The following STIM2 variants were observed in gnomAD, a reference collection of about 807,000 sequenced individuals.
STIM2 encodes the protein stromal interaction molecule 2.
A neutral mutation model predicts 85.8 loss-of-function variants in STIM2; 31 were observed. The ratio of observed to expected loss-of-function variants is 0.36; its 90% CI spans 0.27 to 0.49. STIM2 has a LOEUF of 0.49. STIM2 is among the 20% of genes least tolerant of loss of function. The pLI, the probability that STIM2 is intolerant of heterozygous loss-of-function variation, is 0.98. For synonymous variants in STIM2, 356 were observed against 331.1 expected, an observed-to-expected ratio of 1.08 and a Z score of -0.82; for missense variants, 841 against 927.6, an observed-to-expected ratio of 0.91 and a Z score of 1.21.
intron 9 of STIM2, 81 bp downstream of exon 9, chr4:27,008,609 A>G (rs1416663174): frequency 8.8e-7 from 1 of 1,135,734 alleles, no homozygotes; most frequent in Non-Finnish European, 1.3e-6. Flanking sequence ...TATATTTATC[A>G]TTTATATAAT....
intron 7 of STIM2, among the ~76,000 whole-genome samples, 186 bp from the exon 8 acceptor site, chr4:27,007,347 C>T (rs898289683): frequency 3.3e-5 from 5 of 150,178 alleles, no homozygotes; most frequent in African/African-American, 9.8e-5. Context: ...CGGAGTCTCG[C>T]TCTGTTGTCA....
intron 10 of STIM2, among the ~76,000 whole-genome samples, chr4:27,010,278 T>C (rs1426807209): frequency 6.6e-6 from 1 of 152,112 alleles, no homozygotes; most frequent in African/African-American, 2.4e-5. Flanking sequence ...ATCCTGTCTC[T>C]AGTAAAAATA....
chr4:26,957,756 C>G (rs1409112469), intron 3 of STIM2, 30 bp downstream of exon 3: 2 of 1,400,870 alleles, frequency 1.4e-6, no homozygotes, highest in Non-Finnish European at 2.0e-6. Context: ...CTGGCCCCCT[C>G]CCCTTCTGCA....
At chr4:27,010,746 G>A (rs1185859576) in intron 10 of STIM2, among the ~76,000 whole-genome samples, 1 of 152,034 alleles carries the variant, frequency 6.6e-6, no homozygotes, top group Non-Finnish European at 1.5e-5. Context: ...CATGCCTGTA[G>A]TATGTTAAGA....
At chr4:26,933,914 C>T (rs75615470) in intron 2 of STIM2, among the ~76,000 whole-genome samples, 1 of 152,114 alleles carries the variant, frequency 6.6e-6, no homozygotes, top group African/African-American at 2.4e-5. Context: ...AAAAATACGG[C>T]TGGGTGCATT....
chr4:27,018,519 A>T (rs1377810300), intron 11 of STIM2, among the ~76,000 whole-genome samples: 1 of 151,724 alleles, frequency 6.6e-6, no homozygotes, highest in Non-Finnish European at 1.5e-5. Flanking sequence ...GATAATAATA[A>T]TCTCTCTATA....
intron 1 of STIM2, among the ~76,000 whole-genome samples, chr4:26,889,358 T>A (rs181938564): frequency 9.8e-5 from 15 of 152,290 alleles, no homozygotes; most frequent in Admixed American, 6.5e-4. Flanking sequence ...CCAGTGAATT[T>A]TATTAGTATG....
chr4:26,872,106 G>A lies in STIM2; in HGVS notation c.151+10737G>A, dbSNP rs569520154. ...ATTCTTTTTATCTATAGATACAGAGGTAGGATAGTTGTAGAAATGTGCTTT... is the reference window on the plus strand; with the variant it reads ...ATTCTTTTTATCTATAGATACAGAGATAGGATAGTTGTAGAAATGTGCTTT... On this transcript the variant is annotated intron_variant, in intron 1 of 11. Transcript: ENST00000467087. 1.6e-4 allele frequency among the ~76,000 whole-genome samples: 25 copies of A among 152,306 alleles called. 1 individual carries two copies. Among genetic ancestry groups the A allele is most frequent in the Admixed American group, 1.6e-3 (24 of 15,306 alleles).
intron 1 of STIM2, among the ~76,000 whole-genome samples, chr4:26,862,222 G>GA (rs1722240438): frequency 6.6e-6 from 1 of 151,612 alleles, no homozygotes; most frequent in South Asian, 2.1e-4. Context: ...GCCTTCCGGT[G>GA]TTATGTACAA....
rs372461981 is a variant in STIM2 at position 27,023,001 on chromosome 4, G to T, written c.*5G>T. 1.2e-6 allele frequency: 2 copies of T among 1,605,960 alleles called. No homozygotes were observed. Among genetic ancestry groups the T allele is most frequent in the Non-Finnish European group, 1.7e-6 (2 of 1,178,154 alleles). ...TTTAAGAAGAAATCTAAGTGAACTG[G>T]CTGACTTGATGGAATCATGTTCAAG... On this transcript the variant is annotated 3_prime_UTR_variant, in exon 12 of 12. Transcript: ENST00000467087.
chr4:26,890,713 A>G lies in STIM2; in HGVS notation c.152-28791A>G, dbSNP rs1024392818. Among the ~76,000 whole-genome samples, 37 of 150,828 alleles carry G rather than the reference A, an allele frequency of 2.5e-4. No homozygotes were observed. The East Asian group carries it at 7.1e-3, about 29-fold the overall frequency. ...GTGGCGGGCGCCTGTAGTCCCAGCT[A>G]CTTGGGAGGCTGAGGCAGGAGAATG... On this transcript the variant is annotated intron_variant, in intron 1 of 11. Coordinates refer to ENST00000467087, the MANE Select transcript of STIM2 (RefSeq NM_020860.4).
chr4:27,013,920 A>G (rs548583372), intron 10 of STIM2, among the ~76,000 whole-genome samples: 2 of 152,162 alleles, frequency 1.3e-5, no homozygotes, highest in East Asian at 3.9e-4. Context: ...AAACTATAGT[A>G]TTAATTTAAC....
intron 1 of STIM2, among the ~76,000 whole-genome samples, chr4:26,910,528 A>C (rs551799239): frequency 2.0e-5 from 3 of 151,946 alleles, no homozygotes; most frequent in African/African-American, 7.2e-5. Context: ...TCTCAAAAAA[A>C]CAAAAAAACA....
At chr4:26,887,183 CTTTTTTTTTT>C (rs34736602) in intron 1 of STIM2, among the ~76,000 whole-genome samples, 8 of 70,952 alleles carry the variant, frequency 1.1e-4, no homozygotes, top group Non-Finnish European at 1.5e-4. Flanking sequence ...AATAATTAAA[CTTTTTTTTTT>C]TTTTTTTTTT....
intron 1 of STIM2, among the ~76,000 whole-genome samples, chr4:26,869,494 T>C (rs975515975): frequency 2.0e-5 from 3 of 152,046 alleles, no homozygotes; most frequent in African/African-American, 7.2e-5. Context: ...ACTGGAAATA[T>C]AAAGATGCTG....
intron 3 of STIM2, among the ~76,000 whole-genome samples, chr4:26,966,522 CT>C (rs931660935): frequency 4.6e-5 from 7 of 152,040 alleles, no homozygotes; most frequent in East Asian, 3.9e-4. Context: ...TTACTTAAGT[CT>C]TTTTCCCCCC....
intron 10 of STIM2, among the ~76,000 whole-genome samples, chr4:27,015,849 A>G (rs1577499033): frequency 7.6e-6 from 1 of 131,320 alleles, no homozygotes. Context: ...TGTGTCTTTT[A>G]TCAGTTCTGA....
At chr4:26,986,858 A>T (rs1727602817) in intron 3 of STIM2, among the ~76,000 whole-genome samples, 1 of 152,260 alleles carries the variant, frequency 6.6e-6, no homozygotes, top group Non-Finnish European at 1.5e-5. Flanking sequence ...AAAGTCAGTT[A>T]TACATTCAGC....
At chr4:26,967,731 C>G (rs572651269) in intron 3 of STIM2, among the ~76,000 whole-genome samples, 1 of 152,240 alleles carries the variant, frequency 6.6e-6, no homozygotes, top group Admixed American at 6.5e-5. Flanking sequence ...ATTTTATCTT[C>G]CTGGTCCAGC....
Sources: allele counts gnomAD v4.1 joint callset (sites outside exome capture counted in the v4.1 genomes callset), GRCh38; gene constraint gnomAD v4.1.1; transcripts MANE v1.5; gene names NCBI Gene and HGNC (gene_info 2026-07-23, HGNC 2026-07-21).